Variants in DISP1 observed in about 807,000 individuals in gnomAD.
The protein encoded by DISP1 is protein dispatched homolog 1.
Under a neutral mutation model 37.3 loss-of-function variants are expected in DISP1, and 30 were observed. The observed-to-expected ratio is 0.80, with a 90% confidence interval of 0.60 to 1.09. The LOEUF (loss-of-function observed/expected upper bound fraction) is 1.09, where lower values mean the gene tolerates loss of function less well. DISP1 is among the 50% of genes least tolerant of loss of function. DISP1 has a pLI of 0.00. For synonymous variants in DISP1, 634 were observed against 690.2 expected (o/e 0.92, Z 1.28); for missense variants, 1,598 against 1,879.5 (o/e 0.85, Z 2.77).
Position 223,004,036 on chromosome 1 carries a change from C to T in DISP1, c.2639C>T (p.Pro880Leu). The change falls in exon 9 of 9, where the codon CCC becomes CTC. Residue 880 changes from proline to leucine, a missense_variant. Physicochemically the swap from Pro to Leu is moderately conservative, Grantham distance 98. Transcript: ENST00000675850. This position sits in a 1 kb window ranked among gnomAD's most constrained non-coding sequence, Gnocchi z 4.9. ...CCATGCTGCAGCCACTGGAGCTTCCCCTACAAGCAAGAGATTTTTGAACTG... is the reference window on the plus strand; with the variant it reads ...CCATGCTGCAGCCACTGGAGCTTCCTCTACAAGCAAGAGATTTTTGAACTG... ...LYPCCSHWSF[P>L]YKQEIFELCI... The T allele has an allele frequency of 4.3e-6, 7 of 1,614,134 alleles. No homozygotes were observed. Among genetic ancestry groups the T allele is most frequent in the Non-Finnish European group, 5.1e-6 (6 of 1,180,012 alleles).
intron 3 of DISP1, among the ~76,000 whole-genome samples, chr1:222,968,700 G>C (rs1038711006): frequency 1.3e-5 from 2 of 152,162 alleles, no homozygotes; most frequent in African/African-American, 4.8e-5. Flanking sequence ...TTGAGAGCCA[G>C]AGGCAGGTGG....
At chr1:222,939,952 C>T (rs61840886) in intron 2 of DISP1, among the ~76,000 whole-genome samples, 25,810 of 151,766 alleles carry the variant, frequency 0.17, 2,326 homozygotes, top group African/African-American at 0.19. Flanking sequence ...GGTGAGATCC[C>T]GTCTCTACTA....
At chr1:222,932,915 A>G (rs1469809847) in intron 2 of DISP1, among the ~76,000 whole-genome samples, 1 of 152,020 alleles carries the variant, frequency 6.6e-6, no homozygotes, top group Non-Finnish European at 1.5e-5. Context: ...GATATCATTT[A>G]CCTGAGATTG....
chr1:223,005,271 G>C lies in DISP1; in HGVS notation c.3874G>C (p.Asp1292His), dbSNP rs1429568532. 6.2e-7 allele frequency: 1 copy of C among 1,613,872 alleles called. No individual in the cohort carries two copies. Among genetic ancestry groups the C allele is most frequent in the African/African-American group, 1.3e-5 (1 of 75,022 alleles). Reference sequence around the variant, plus strand: ...CCCACACTCTTGCCAGCAGATGGGGGACTGCTTGTGCCACCAGTGCTCTCC... The same window carrying C: ...CCCACACTCTTGCCAGCAGATGGGGCACTGCTTGTGCCACCAGTGCTCTCC... ...YGPHSCQQMG[D>H]CLCHQCSPTT... Residue 1292 changes from aspartate (D) to histidine (H), a missense_variant, in exon 9 of 9, where the codon GAC (aspartate) becomes CAC (histidine). Transcript: ENST00000675850.
intron 3 of DISP1, among the ~76,000 whole-genome samples, chr1:222,963,003 TG>T (rs1380174711): frequency 3.9e-5 from 6 of 152,090 alleles, no homozygotes; most frequent in Non-Finnish European, 8.8e-5. Context: ...ACCTACAGAA[TG>T]GGAGAAAATT....
chr1:222,874,484 C>CTCTTCACA (rs1354355963), intron 1 of DISP1, among the ~76,000 whole-genome samples: 2 of 152,094 alleles, frequency 1.3e-5, no homozygotes, highest in Admixed American at 1.3e-4. Context: ...CTCTAAACTT[C>CTCTTCACA]TCTTCACACT....
chr1:222,859,981 A>C (rs1243316923), intron 1 of DISP1, among the ~76,000 whole-genome samples: 1 of 152,240 alleles, frequency 6.6e-6, no homozygotes, highest in Non-Finnish European at 1.5e-5. Context: ...AAACTAAGCA[A>C]ATTTTTAAAA....
At chr1:222,979,522 T>A in intron 3 of DISP1, 1 of 443,848 alleles carries the variant, frequency 2.3e-6, no homozygotes, top group Non-Finnish European at 4.7e-6. Flanking sequence ...ATTGGGTGAA[T>A]TATGTGGTAT....
At chr1:222,887,300 A>G (rs183485353) in intron 1 of DISP1, among the ~76,000 whole-genome samples, 101 of 152,204 alleles carry the variant, frequency 6.6e-4, no homozygotes, top group Middle Eastern at 3.4e-3. Context: ...TCCTGCCTGT[A>G]TGTCATCCTT....
At chr1:222,891,174 G>C (rs773631811) in intron 1 of DISP1, among the ~76,000 whole-genome samples, 1 of 152,112 alleles carries the variant, frequency 6.6e-6, no homozygotes, top group Non-Finnish European at 1.5e-5. Flanking sequence ...GAGAAGCATG[G>C]CTCATTTAAG....
At chr1:222,977,262 G>A (rs1034455120) in intron 3 of DISP1, among the ~76,000 whole-genome samples, 7 of 150,634 alleles carry the variant, frequency 4.6e-5, no homozygotes, top group African/African-American at 1.7e-4. Context: ...TTGAACTTCC[G>A]ACCTCAGGTG....
intron 1 of DISP1, among the ~76,000 whole-genome samples, chr1:222,872,995 A>G (rs1231929760): frequency 6.6e-6 from 1 of 152,182 alleles, no homozygotes; most frequent in Non-Finnish European, 1.5e-5. Flanking sequence ...GTTGGTTTCA[A>G]AGAACATCTT....
chr1:222,831,568 ATG>A (rs1462192269), intron 1 of DISP1, among the ~76,000 whole-genome samples: 3 of 152,222 alleles, frequency 2.0e-5, no homozygotes, highest in African/African-American at 7.2e-5. Context: ...ATTACTTTTA[ATG>A]ACAAAAACTG....
chr1:222,976,053 A>T (rs1354363523), intron 3 of DISP1, among the ~76,000 whole-genome samples: 2 of 152,106 alleles, frequency 1.3e-5, no homozygotes, highest in Non-Finnish European at 2.9e-5. Flanking sequence ...CTAAAAACCT[A>T]ATCAAAGAAC....
intron 1 of DISP1, among the ~76,000 whole-genome samples, chr1:222,909,132 C>T (rs565536550): frequency 2.0e-5 from 3 of 151,934 alleles, no homozygotes; most frequent in East Asian, 1.9e-4. Flanking sequence ...GTAATTGTAT[C>T]GAATTATATC....
intron 1 of DISP1, among the ~76,000 whole-genome samples, chr1:222,842,662 A>G (rs1432355977): frequency 2.6e-5 from 4 of 152,074 alleles, no homozygotes; most frequent in Non-Finnish European, 5.9e-5. Context: ...CTCCCAACAT[A>G]CAAACATGCA....
At chr1:222,882,874 T>C (rs1397368181) in intron 1 of DISP1, among the ~76,000 whole-genome samples, 1 of 152,128 alleles carries the variant, frequency 6.6e-6, no homozygotes. Context: ...GAAAAAATAT[T>C]AAAAAGTATT....
intron 3 of DISP1, among the ~76,000 whole-genome samples, chr1:222,953,898 T>A (rs1340007357): frequency 6.6e-6 from 1 of 152,176 alleles, no homozygotes; most frequent in Non-Finnish European, 1.5e-5. Context: ...TGAGGCTTGG[T>A]CATCTTTTAC....
In DISP1 at chr1:222,928,569, A is replaced by C. The variant is rs1673214100; in HGVS notation, c.-19A>C. 1 of 152,204 alleles carries C rather than the reference A, an allele frequency of 6.6e-6. No individual in the cohort carries two copies. The highest frequency in any genetic ancestry group is 2.4e-5 in the African/African-American group (1 of 41,448). The allele number at this position is 152,204 out of a possible 1,614,324, so 9.4% of individuals were successfully genotyped here. A position where few individuals can be genotyped will look rare whatever the true frequency, so the allele number is the denominator to read the frequency against. Reference sequence around the variant, plus strand: ...AGAGAAGTTCCCTCTTTTAACATAAAGGTAATACATTTTCTCTTGCTGTGT... The same window carrying C: ...AGAGAAGTTCCCTCTTTTAACATAACGGTAATACATTTTCTCTTGCTGTGT... On this transcript the variant is annotated splice_region_variant and 5_prime_UTR_variant, in exon 2 of 9. Coordinates refer to ENST00000675850, the MANE Select transcript of DISP1 (RefSeq NM_001377229.1).
Sources: allele counts gnomAD v4.1 joint callset (sites outside exome capture counted in the v4.1 genomes callset), GRCh38; gene constraint gnomAD v4.1.1; non-coding constraint Gnocchi (gnomAD v3.1); transcripts MANE v1.5; gene names NCBI Gene and HGNC (gene_info 2026-07-23, HGNC 2026-07-21).